NEDD4L: variants seen among roughly 807,000 people sequenced by gnomAD.
NEDD4L encodes the protein E3 ubiquitin-protein ligase NEDD4-like.
Under a neutral mutation model 148.9 loss-of-function variants are expected in NEDD4L, and 54 were observed. That is an observed-to-expected ratio of 0.36 (90% CI 0.29 to 0.45). The LOEUF (loss-of-function observed/expected upper bound fraction) is 0.45. Ranked by LOEUF, NEDD4L falls within the 20% of genes least tolerant of loss-of-function variation. NEDD4L has a pLI of 1.00. For missense variants in NEDD4L, 856 were observed against 1,233.8 expected, an observed-to-expected ratio of 0.69 and a Z score of 4.59; for synonymous variants, 433 against 440.7, an observed-to-expected ratio of 0.98 and a Z score of 0.22.
chr18:58,349,786 G>A (rs2043635381), intron 17 of NEDD4L, among the ~76,000 whole-genome samples, 172 bp downstream of exon 17: 1 of 152,188 alleles, frequency 6.6e-6, no homozygotes, highest in Non-Finnish European at 1.5e-5. Context: ...ATACATTATA[G>A]TTCATGTGAT....
chr18:58,228,010 T>G (rs1438756395), intron 2 of NEDD4L: 1 of 181,752 alleles, frequency 5.5e-6, no homozygotes, highest in Admixed American at 6.5e-5. Flanking sequence ...AGTGTATGCT[T>G]CACGATGGAC....
intron 1 of NEDD4L, among the ~76,000 whole-genome samples, chr18:58,156,217 G>C (rs939368831): frequency 2.7e-4 from 41 of 152,160 alleles, no homozygotes; most frequent in African/African-American, 8.7e-4. Context: ...TTCCTAAAAG[G>C]AATTGTAAAC....
chr18:58,199,806 C>T (rs963970559), intron 2 of NEDD4L, among the ~76,000 whole-genome samples: 2 of 152,116 alleles, frequency 1.3e-5, no homozygotes, highest in Non-Finnish European at 2.9e-5. Flanking sequence ...AAAATTGCAT[C>T]TTGCAACAGG....
intron 5 of NEDD4L, among the ~76,000 whole-genome samples, chr18:58,291,603 A>G (rs1037844252): frequency 3.3e-5 from 5 of 152,116 alleles, no homozygotes; most frequent in Non-Finnish European, 5.9e-5. Flanking sequence ...TGACAAATGC[A>G]TTTTTGCCTG....
chr18:58,308,320 C>T (rs1242957617), intron 5 of NEDD4L, among the ~76,000 whole-genome samples: 1 of 152,162 alleles, frequency 6.6e-6, no homozygotes, highest in Non-Finnish European at 1.5e-5. Flanking sequence ...AACAGGACCC[C>T]AGTAATACCT....
At chr18:58,293,740 A>C (rs564146723) in intron 5 of NEDD4L, among the ~76,000 whole-genome samples, 1 of 152,206 alleles carries the variant, frequency 6.6e-6, no homozygotes, top group East Asian at 1.9e-4. Flanking sequence ...GAGTAAGGAA[A>C]ATTTTTTTTG....
chr18:58,278,257 G>A (rs996481041), intron 5 of NEDD4L, among the ~76,000 whole-genome samples: 1 of 152,168 alleles, frequency 6.6e-6, no homozygotes, highest in African/African-American at 2.4e-5. Flanking sequence ...TGGAGTTGGG[G>A]TCTGACCCTT....
In NEDD4L at chr18:58,390,491, T is replaced by G. The variant is rs977660845; in HGVS notation, c.2656-155T>G. 1.0e-5 allele frequency: 6 copies of G among 577,868 alleles called. No individual in the cohort carries two copies. In the Admixed American group the frequency reaches 1.1e-4, roughly 10 times the overall value. The allele number at this position is 577,868 out of a possible 1,614,324, so 35.8% of individuals were successfully genotyped here. On this transcript the variant is annotated intron_variant, in intron 28 of 30. Coordinates refer to ENST00000400345, the MANE Select transcript of NEDD4L (RefSeq NM_001144967.3). Reference sequence around the variant, plus strand: ...CTCTTAGATTAGAGAGGCCAGCTAGTATTGTGGCCATAAAAAACCTACTCA... The same window carrying G: ...CTCTTAGATTAGAGAGGCCAGCTAGGATTGTGGCCATAAAAAACCTACTCA...
Position 58,390,594 on chromosome 18 carries a change from A to G in NEDD4L, c.2656-52A>G, listed in dbSNP as rs143247628. On this transcript the variant is annotated intron_variant, in intron 28 of 30. Transcript: ENST00000400345. Reference sequence around the variant, plus strand: ...TTCTGCCTGCCTGCATGACAGCAGCATGTGCCATGGGTCACGTGGGGGGTA... The same window carrying G: ...TTCTGCCTGCCTGCATGACAGCAGCGTGTGCCATGGGTCACGTGGGGGGTA... 1.0e-3 allele frequency: 1,125 copies of G among 1,116,696 alleles called. 3 individuals carry two copies. The highest frequency in any genetic ancestry group is 6.4e-3 in the African/African-American group (417 of 64,978). The allele number at this position is 1,116,696 out of a possible 1,614,324, so 69.2% of individuals were successfully genotyped here. A position where few individuals can be genotyped will look rare whatever the true frequency, so the allele number is the denominator to read the frequency against.
chr18:58,390,875 C>A, intron 29 of NEDD4L, 133 bp downstream of exon 29: 1 of 687,388 alleles, frequency 1.5e-6, no homozygotes, highest in Non-Finnish European at 2.7e-6. Flanking sequence ...GCATAGGTTC[C>A]ATGAAAGTTC....
intron 2 of NEDD4L, among the ~76,000 whole-genome samples, chr18:58,236,025 T>G (rs973309842): frequency 2.1e-5 from 3 of 140,976 alleles, no homozygotes; most frequent in Non-Finnish European, 4.6e-5. Context: ...AGAGTGAGAC[T>G]CCATCTCAAA....
chr18:58,354,296 A>G (rs940944421), intron 18 of NEDD4L, among the ~76,000 whole-genome samples: 3 of 152,322 alleles, frequency 2.0e-5, no homozygotes, highest in Admixed American at 6.5e-5. Context: ...GATTTTGTAA[A>G]GTCCTATTTT....
chr18:58,394,079 T>G (rs759372500), intron 30 of NEDD4L, among the ~76,000 whole-genome samples: 1 of 152,210 alleles, frequency 6.6e-6, no homozygotes, highest in Non-Finnish European at 1.5e-5. Flanking sequence ...GTGAGGACAA[T>G]GAGCTCCTTA....
intron 5 of NEDD4L, among the ~76,000 whole-genome samples, chr18:58,261,463 A>G (rs1423444705): frequency 6.6e-6 from 1 of 152,248 alleles, no homozygotes; most frequent in Non-Finnish European, 1.5e-5. Context: ...ATATTTGGGA[A>G]TATGTCTTAT....
At chr18:58,259,671 ACTAT>A (rs957176225) in intron 5 of NEDD4L, among the ~76,000 whole-genome samples, 5 of 152,152 alleles carry the variant, frequency 3.3e-5, no homozygotes, top group African/African-American at 1.2e-4. Flanking sequence ...AGTTTCAGGG[ACTAT>A]CTCAGTGTCT....
At chr18:58,391,360 G>T in intron 29 of NEDD4L, 127 bp from the exon 30 acceptor site, 1 of 721,490 alleles carries the variant, frequency 1.4e-6, no homozygotes, top group South Asian at 1.6e-5. Context: ...TGCAGCAGAA[G>T]AGAGTGTCTT....
intron 16 of NEDD4L, among the ~76,000 whole-genome samples, chr18:58,347,034 AATAATATT>A (rs1462025593): frequency 3.3e-5 from 5 of 152,056 alleles, no homozygotes; most frequent in African/African-American, 1.2e-4. Flanking sequence ...TTTTTGATAA[AATAATATT>A]ATAAGCCTCA....
intron 6 of NEDD4L, among the ~76,000 whole-genome samples, chr18:58,322,162 A>G (rs1406804027): frequency 1.3e-5 from 2 of 152,200 alleles, no homozygotes; most frequent in East Asian, 3.8e-4. Context: ...CCCTGCAGTT[A>G]GAAATTTTAC....
At chr18:58,305,787 A>T (rs1256014348) in intron 5 of NEDD4L, among the ~76,000 whole-genome samples, 1 of 152,024 alleles carries the variant, frequency 6.6e-6, no homozygotes, top group Non-Finnish European at 1.5e-5. Context: ...TTTCTCATCA[A>T]GCTGGTGTGT....
Sources: allele counts gnomAD v4.1 joint callset (sites outside exome capture counted in the v4.1 genomes callset), GRCh38; gene constraint gnomAD v4.1.1; transcripts MANE v1.5; gene names NCBI Gene and HGNC (gene_info 2026-07-23, HGNC 2026-07-21).